FBLN5: variants seen among roughly 807,000 people sequenced by gnomAD.
FBLN5 encodes fibulin-5.
FBLN5 carries 24 observed loss-of-function variants against 61.6 expected under a neutral mutation model. The ratio of observed to expected loss-of-function variants is 0.39; its 90% CI spans 0.28 to 0.55. The LOEUF is 0.55. FBLN5 is among the 20% of genes least tolerant of loss of function. The pLI is 0.65. For missense variants in FBLN5, 470 were observed against 594.1 expected (o/e 0.79, Z 2.17); for synonymous variants, 213 against 219.8 (o/e 0.97, Z 0.27).
intron 4 of FBLN5, among the ~76,000 whole-genome samples, chr14:91,898,469 G>A (rs865933062): frequency 1.3e-5 from 2 of 152,068 alleles, no homozygotes; most frequent in African/African-American, 2.4e-5. Flanking sequence ...GTGTTCACAC[G>A]GTGGGCTTTC....
rs2139975999 is a variant in FBLN5 at position 91,891,309 on chromosome 14, G to A, written c.531C>T (p.Cys177=). 6.2e-7 allele frequency: 1 copy of A among 1,613,508 alleles called. No homozygotes were observed. Among genetic ancestry groups the A allele is most frequent in the Non-Finnish European group, 8.5e-7 (1 of 1,179,418 alleles). ...LDIDECRYGY[C]QQLCANVPGS... ...CAGGAACATTCGCACAGAGCTGCTG[G>A]CAGTAACCATAGCGACATTCATCAA... is the stretch of plus-strand genomic sequence containing the variant. Residue 177 remains cysteine, a synonymous_variant, in exon 6 of 11, where the codon TGC becomes TGT. Coordinates refer to ENST00000342058, the MANE Select transcript of FBLN5 (RefSeq NM_006329.4).
intron 4 of FBLN5, among the ~76,000 whole-genome samples, chr14:91,905,363 C>T (rs544464430): frequency 1.7e-3 from 258 of 152,170 alleles, no homozygotes; most frequent in South Asian, 3.9e-3. Flanking sequence ...CATGTGAGGG[C>T]GCTGCAGAGG....
chr14:91,894,816 C>T, intron 5 of FBLN5, 134 bp downstream of exon 5: 1 of 590,436 alleles, frequency 1.7e-6, no homozygotes, highest in Non-Finnish European at 3.1e-6. Context: ...GTTCAATAGC[C>T]TTCCACCCCT....
chr14:91,882,679 G>A lies in FBLN5; in HGVS notation c.862+275C>T, dbSNP rs903784023. 2.6e-5 allele frequency among the ~76,000 whole-genome samples: 4 copies of A among 152,244 alleles called. No homozygotes were observed. Among genetic ancestry groups the A allele is most frequent in the Non-Finnish European group, 5.9e-5 (4 of 68,042 alleles). On this transcript the variant is annotated intron_variant, in intron 8 of 10. Transcript: ENST00000342058. This position sits in a 1 kb window ranked among gnomAD's most constrained non-coding sequence, Gnocchi z 4.9. ...TCTGCCTGGGGAGGCAGAAAGCCAC[G>A]CTTAGAGGCTGCCGTCTGCATCTGC... is the stretch of plus-strand genomic sequence containing the variant.
chr14:91,870,096 ACT>A lies in FBLN5; in HGVS notation c.*126_*127del. ...GGTGAGAGTCAGGAAGTCGGGGCTG[ACT>A]CTTCGGGGAAACGTTCAGCAGGAAA... On this transcript the variant is annotated 3_prime_UTR_variant, in exon 11 of 11. Coordinates refer to ENST00000342058, the MANE Select transcript of FBLN5 (RefSeq NM_006329.4). The A allele has an allele frequency of 1.0e-6, 1 of 998,780 alleles. No individual in the cohort carries two copies. The highest frequency in any genetic ancestry group is 1.4e-5 in the South Asian group (1 of 73,866). The allele number at this position is 998,780 out of a possible 1,614,324, so 61.9% of individuals were successfully genotyped here.
chr14:91,895,991 C>T (rs896473759), intron 4 of FBLN5, among the ~76,000 whole-genome samples: 3 of 152,034 alleles, frequency 2.0e-5, no homozygotes, highest in Non-Finnish European at 4.4e-5. Context: ...GAGCCCACTG[C>T]CATCTGTCTG....
intron 3 of FBLN5, chr14:91,939,904 G>A (rs776209263): frequency 2.2e-6 from 1 of 453,260 alleles, no homozygotes; most frequent in African/African-American, 2.0e-5. Context: ...ATATTCACAG[G>A]AGTTCTTAAA....
In FBLN5 at chr14:91,891,231, C is replaced by A. The variant is rs1488926358; in HGVS notation, c.609G>T (p.Arg203Ser). 6.2e-7 allele frequency: 1 copy of A among 1,600,270 alleles called. No homozygotes were observed. The highest frequency in any genetic ancestry group is 8.6e-7 in the Non-Finnish European group (1 of 1,167,434). Reference protein sequence around the residue: ...NPGFTLNEDGRSCQDVNECAT... With the variant: ...NPGFTLNEDGSSCQDVNECAT... ...ATGCACGTCACATACCTTGGCAAGA[C>A]CTTCCATCCTCATTGAGGGTAAAAC... The change falls in exon 6 of 11, where the codon AGG (arginine) becomes AGT (serine). Residue 203 changes from arginine (R) to serine (S), a missense_variant. Arg to Ser is a moderately radical substitution (Grantham distance 110). Transcript: ENST00000342058.
intron 2 of FBLN5, among the ~76,000 whole-genome samples, chr14:91,941,567 G>A (rs936247807): frequency 6.6e-6 from 1 of 152,118 alleles, no homozygotes. Flanking sequence ...AGAGGGTTCA[G>A]GGGTCCCAGG....
intron 4 of FBLN5, among the ~76,000 whole-genome samples, chr14:91,908,378 T>C (rs1397454140): frequency 6.6e-6 from 1 of 152,238 alleles, no homozygotes; most frequent in Non-Finnish European, 1.5e-5. Flanking sequence ...TTTGGCACAG[T>C]GAACCTCTCT....
At chr14:91,912,598 T>C (rs1346881456) in intron 4 of FBLN5, among the ~76,000 whole-genome samples, 1 of 152,116 alleles carries the variant, frequency 6.6e-6, no homozygotes, top group Non-Finnish European at 1.5e-5. Flanking sequence ...TGAGTCGAGA[T>C]TGTGCCACTG....
chr14:91,883,823 CGTG>C (rs1255747691), intron 7 of FBLN5, among the ~76,000 whole-genome samples: 2 of 152,100 alleles, frequency 1.3e-5, no homozygotes, highest in Non-Finnish European at 2.9e-5. Flanking sequence ...GCCAGCCTGA[CGTG>C]GAGGGGAGCC....
At chr14:91,885,407 AC>A (rs1274069596) in intron 7 of FBLN5, among the ~76,000 whole-genome samples, 1 of 152,130 alleles carries the variant, frequency 6.6e-6, no homozygotes, top group African/African-American at 2.4e-5. Context: ...TCCAAAAAAA[AC>A]CTCCTTGAAA....
intron 4 of FBLN5, among the ~76,000 whole-genome samples, chr14:91,921,346 T>C (rs2055730826): frequency 6.6e-6 from 1 of 152,102 alleles, no homozygotes; most frequent in South Asian, 2.1e-4. Flanking sequence ...CTTCAGCCAA[T>C]AGCCAGCTAA....
At chr14:91,924,797 C>T (rs968415975) in intron 4 of FBLN5, among the ~76,000 whole-genome samples, 2 of 152,086 alleles carry the variant, frequency 1.3e-5, no homozygotes, top group African/African-American at 2.4e-5. Context: ...GTGCTGTGGT[C>T]ACCCCTGAGT....
chr14:91,878,402 A>G (rs1034787894), intron 9 of FBLN5, among the ~76,000 whole-genome samples: 2 of 152,224 alleles, frequency 1.3e-5, no homozygotes, highest in Non-Finnish European at 2.9e-5. Context: ...AATGCCTGTT[A>G]TAGACACCCC....
intron 7 of FBLN5, 68 bp downstream of exon 7, chr14:91,887,125 C>A (rs1298886774): frequency 4.5e-6 from 7 of 1,560,210 alleles, no homozygotes; most frequent in Non-Finnish European, 5.3e-6. Flanking sequence ...ATGAAGGAAG[C>A]CCTTGCCCTT....
intron 6 of FBLN5, among the ~76,000 whole-genome samples, chr14:91,889,721 G>A (rs972427742): frequency 4.6e-5 from 7 of 152,190 alleles, no homozygotes; most frequent in African/African-American, 1.2e-4. Context: ...AGTATGCGAC[G>A]CCCTGTGCTG....
At chr14:91,902,935 A>C (rs189442612) in intron 4 of FBLN5, among the ~76,000 whole-genome samples, 9 of 152,244 alleles carry the variant, frequency 5.9e-5, no homozygotes, top group Admixed American at 2.0e-4. Flanking sequence ...CTAGAGGAGG[A>C]AGGGAGGGAG....
Sources: gnomAD v4.1 joint callset for allele counts (sites outside exome capture counted in the v4.1 genomes callset) on GRCh38, gnomAD v4.1.1 for gene constraint, Gnocchi (gnomAD v3.1) non-coding constraint, MANE v1.5 for transcripts, NCBI Gene and HGNC (gene_info 2026-07-23, HGNC 2026-07-21) for gene names.